Variants in KPNA1 observed in about 807,000 individuals in gnomAD.
The protein encoded by KPNA1 is importin subunit alpha-5.
Under a neutral mutation model 70.5 loss-of-function variants are expected in KPNA1, and 10 were observed. The observed-to-expected ratio is 0.14, with a 90% confidence interval of 0.09 to 0.24. The LOEUF (loss-of-function observed/expected upper bound fraction) is 0.24. Among genes scored for constraint, KPNA1 ranks in the 10% least tolerant of loss-of-function variants. The probability of loss-of-function intolerance (pLI) is 1.00; values close to 1 mark genes in which losing one functional copy is unlikely to be tolerated. For missense variants in KPNA1, 397 were observed against 637.9 expected, an observed-to-expected ratio of 0.62 and a Z score of 4.07; for synonymous variants, 192 against 221.9, an observed-to-expected ratio of 0.87 and a Z score of 1.20.
intron 6 of KPNA1, among the ~76,000 whole-genome samples, chr3:122,453,013 AT>A (rs2076228893): frequency 6.6e-6 from 1 of 151,906 alleles, no homozygotes; most frequent in Admixed American, 6.6e-5. Context: ...GTGGTGTGAT[AT>A]CGGCTCACTG....
chr3:122,512,475 A>G (rs2076965440), intron 1 of KPNA1, among the ~76,000 whole-genome samples: 1 of 152,240 alleles, frequency 6.6e-6, no homozygotes, highest in African/African-American at 2.4e-5. Flanking sequence ...TAATCCTAGA[A>G]CTTCGGGAGG....
At chr3:122,498,368 G>C (rs568773309) in intron 1 of KPNA1, among the ~76,000 whole-genome samples, 13 of 152,134 alleles carry the variant, frequency 8.5e-5, no homozygotes, top group Admixed American at 3.3e-4. Flanking sequence ...GAAAAGATAA[G>C]GCATCTGTAA....
intron 12 of KPNA1, chr3:122,432,638 A>T (rs1249844071): frequency 1.3e-5 from 2 of 152,168 alleles, no homozygotes; most frequent in African/African-American, 4.8e-5. Flanking sequence ...AGACTGGCTG[A>T]GTCTAGGCTA....
At chr3:122,427,450 C>G (rs1364674024) in intron 13 of KPNA1, 88 bp downstream of exon 13, 2 of 1,289,268 alleles carry the variant, frequency 1.6e-6, no homozygotes, top group African/African-American at 3.0e-5. Flanking sequence ...TCATCCAGTG[C>G]CTAGCAGTAG....
intron 12 of KPNA1, among the ~76,000 whole-genome samples, chr3:122,431,503 G>T (rs182151053): frequency 9.2e-5 from 14 of 152,258 alleles, no homozygotes; most frequent in African/African-American, 2.6e-4. Context: ...TCCAAATCTG[G>T]TATCTGCAAC....
intron 1 of KPNA1, among the ~76,000 whole-genome samples, chr3:122,507,440 CAAAAA>C (rs11406672): frequency 2.6e-5 from 3 of 113,380 alleles, no homozygotes; most frequent in African/African-American, 1.1e-4. Context: ...GACTCCATCT[CAAAAA>C]AAAAAAAAAA....
In KPNA1 at chr3:122,429,556, G is replaced by T. The variant is rs180695246; in HGVS notation, c.1251-1840C>A. Among the ~76,000 whole-genome samples, 5 of 147,896 alleles carry T rather than the reference G, an allele frequency of 3.4e-5. No individual in the cohort carries two copies. In the East Asian group the frequency reaches 1.0e-3, roughly 29 times the overall value. The stretch of plus-strand genomic sequence containing the variant: ...ATATGAGGAAAACTACAAAACTGAT[G>T]ATCTAAAAAAAAAAATGGAGAAATA... On this transcript the variant is annotated intron_variant, in intron 12 of 13. Coordinates refer to ENST00000344337, the MANE Select transcript of KPNA1 (RefSeq NM_002264.4).
At chr3:122,427,818 A>T in intron 12 of KPNA1, 102 bp from the exon 13 acceptor site, 1 of 700,972 alleles carries the variant, frequency 1.4e-6, no homozygotes, top group Non-Finnish European at 2.1e-6. Flanking sequence ...AGACTTAAAA[A>T]AAAAAACAAA....
At chr3:122,435,487 T>C (rs1364375047) in intron 11 of KPNA1, among the ~76,000 whole-genome samples, 1 of 152,176 alleles carries the variant, frequency 6.6e-6, no homozygotes, top group African/African-American at 2.4e-5. Context: ...AAAATAAATA[T>C]CTTACTTGGA....
intron 2 of KPNA1, among the ~76,000 whole-genome samples, chr3:122,476,578 AAAC>A (rs750498176): frequency 3.3e-5 from 5 of 152,176 alleles, no homozygotes; most frequent in Non-Finnish European, 7.3e-5. Context: ...AATAGTAAGA[AAAC>A]AACCTGATTT....
chr3:122,444,781 C>A (rs1400227181), intron 9 of KPNA1, among the ~76,000 whole-genome samples: 1 of 152,206 alleles, frequency 6.6e-6, no homozygotes, highest in Non-Finnish European at 1.5e-5. Flanking sequence ...GGACCTCCAG[C>A]AAACTCCAAC....
chr3:122,501,767 C>G (rs2076831992), intron 1 of KPNA1, among the ~76,000 whole-genome samples: 1 of 152,078 alleles, frequency 6.6e-6, no homozygotes, highest in South Asian at 2.1e-4. Context: ...GTACTGATTC[C>G]TTCTTGACCT....
At chr3:122,480,542 G>A (rs1004468957) in intron 2 of KPNA1, among the ~76,000 whole-genome samples, 1 of 151,610 alleles carries the variant, frequency 6.6e-6, no homozygotes, top group African/African-American at 2.4e-5. Context: ...AGTCCTATAA[G>A]AAAATGTTAA....
At chr3:122,431,143 C>G (rs1320442529) in intron 12 of KPNA1, among the ~76,000 whole-genome samples, 1 of 152,158 alleles carries the variant, frequency 6.6e-6, no homozygotes, top group East Asian at 1.9e-4. Flanking sequence ...ACCTAAAATT[C>G]TAGATGTTTC....
At chr3:122,451,834 G>T (rs916952817) in intron 7 of KPNA1, 142 bp downstream of exon 7, 8 of 686,548 alleles carry the variant, frequency 1.2e-5, no homozygotes, top group Non-Finnish European at 2.0e-5. Flanking sequence ...TTGAGGAAAT[G>T]ATCTAAACAA....
At chr3:122,470,417 CAGG>C (rs1474446824) in intron 2 of KPNA1, among the ~76,000 whole-genome samples, 3 of 151,688 alleles carry the variant, frequency 2.0e-5, no homozygotes. Flanking sequence ...GAAGCTGAGG[CAGG>C]AGAATGGCGT....
intron 2 of KPNA1, among the ~76,000 whole-genome samples, chr3:122,482,639 G>T (rs1291270405): frequency 6.6e-6 from 1 of 152,132 alleles, no homozygotes; most frequent in African/African-American, 2.4e-5. Flanking sequence ...GAACTAACAA[G>T]TGAGTTCAGC....
chr3:122,504,781 A>G (rs1354152973), intron 1 of KPNA1, among the ~76,000 whole-genome samples: 1 of 152,168 alleles, frequency 6.6e-6, no homozygotes, highest in East Asian at 1.9e-4. Context: ...CAATGGATGC[A>G]TTTAGACTTT....
At chr3:122,489,281 G>A (rs2076668821) in intron 2 of KPNA1, among the ~76,000 whole-genome samples, 1 of 89,446 alleles carries the variant, frequency 1.1e-5, no homozygotes. Context: ...TTTTTACTTT[G>A]TTTGTTTTTT....
Sources: gnomAD v4.1 joint callset for allele counts (sites outside exome capture counted in the v4.1 genomes callset) on GRCh38, gnomAD v4.1.1 for gene constraint, MANE v1.5 for transcripts, NCBI Gene and HGNC (gene_info 2026-07-23, HGNC 2026-07-21) for gene names.